Variants in NELL2 observed in about 807,000 individuals in gnomAD.
NELL2 encodes the protein neural EGFL like 2.
Under a neutral mutation model 109.6 loss-of-function variants are expected in NELL2, and 41 were observed. The ratio of observed to expected loss-of-function variants is 0.37; its 90% CI spans 0.29 to 0.49. The LOEUF (loss-of-function observed/expected upper bound fraction) is 0.49. Among genes scored for constraint, NELL2 ranks in the 20% least tolerant of loss-of-function variants. NELL2 has a pLI of 0.98. For synonymous variants in NELL2, 355 were observed against 344.7 expected (o/e 1.03, Z -0.33); for missense variants, 900 against 1,008.3 (o/e 0.89, Z 1.45).
chr12:44,740,327 A>G (rs145765904), intron 9 of NELL2, among the ~76,000 whole-genome samples: 56 of 152,292 alleles, frequency 3.7e-4, no homozygotes, highest in African/African-American at 1.3e-3. Flanking sequence ...TATAATTCCT[A>G]TAATTGTTAT....
chr12:44,665,360 T>C (rs1343272722), intron 13 of NELL2, 124 bp downstream of exon 13: 2 of 755,068 alleles, frequency 2.6e-6, no homozygotes, highest in Admixed American at 3.2e-5. Flanking sequence ...ATCAAGAAGA[T>C]ATGATTTTGC....
intron 13 of NELL2, among the ~76,000 whole-genome samples, chr12:44,631,603 G>C (rs943110186): frequency 3.3e-5 from 5 of 152,150 alleles, no homozygotes; most frequent in Non-Finnish European, 7.4e-5. Flanking sequence ...ATGGGTAACA[G>C]TATCAATCAC....
intron 9 of NELL2, among the ~76,000 whole-genome samples, chr12:44,732,843 C>T (rs556109481): frequency 6.6e-6 from 1 of 151,882 alleles, no homozygotes; most frequent in Admixed American, 6.6e-5. Context: ...ATTTCCACAG[C>T]TCAATGGCAG....
At chr12:44,863,973 AGTT>A (rs1944915829) in intron 2 of NELL2, among the ~76,000 whole-genome samples, 1 of 152,282 alleles carries the variant, frequency 6.6e-6, no homozygotes, top group East Asian at 1.9e-4. Flanking sequence ...ATCAAAGTTA[AGTT>A]GTTATCAGGT....
chr12:44,597,898 T>C (rs921317180), intron 15 of NELL2, among the ~76,000 whole-genome samples: 10 of 152,210 alleles, frequency 6.6e-5, no homozygotes, highest in African/African-American at 2.4e-4. Flanking sequence ...TGTTGAGGGC[T>C]GAAAGCAGGA....
chr12:44,677,163 T>C (rs576740963), intron 12 of NELL2, among the ~76,000 whole-genome samples: 5 of 152,242 alleles, frequency 3.3e-5, no homozygotes, highest in Non-Finnish European at 7.4e-5. Flanking sequence ...CGAAGAATGT[T>C]GGAAATTAAG....
At chr12:44,733,122 G>T (rs1939456247) in intron 9 of NELL2, among the ~76,000 whole-genome samples, 1 of 151,952 alleles carries the variant, frequency 6.6e-6, no homozygotes, top group Non-Finnish European at 1.5e-5. Context: ...ATGTAAATGT[G>T]CAGACTCCAC....
chr12:44,529,515 T>C (rs1490177505), intron 16 of NELL2, among the ~76,000 whole-genome samples: 2 of 151,866 alleles, frequency 1.3e-5, no homozygotes, highest in African/African-American at 2.4e-5. Context: ...GCCATGAAAC[T>C]GGTTGACTTA....
intron 9 of NELL2, among the ~76,000 whole-genome samples, chr12:44,734,606 A>G (rs1939543016): frequency 6.6e-6 from 1 of 151,872 alleles, no homozygotes; most frequent in Non-Finnish European, 1.5e-5. Flanking sequence ...CCCTACACTC[A>G]GTAGTTTAGA....
At chr12:44,863,603 A>G (rs1592673664) in intron 2 of NELL2, among the ~76,000 whole-genome samples, 2 of 152,188 alleles carry the variant, frequency 1.3e-5, no homozygotes, top group Non-Finnish European at 2.9e-5. Context: ...TTTACCAGAC[A>G]AACAAAAGCT....
intron 15 of NELL2, among the ~76,000 whole-genome samples, chr12:44,554,557 C>T (rs1943166934): frequency 6.6e-6 from 1 of 152,126 alleles, no homozygotes; most frequent in Admixed American, 6.6e-5. Flanking sequence ...GGATGTATAA[C>T]ATATATTAAA....
intron 13 of NELL2, among the ~76,000 whole-genome samples, chr12:44,620,073 G>C (rs560332273): frequency 5.3e-5 from 8 of 151,582 alleles, no homozygotes; most frequent in Non-Finnish European, 1.2e-4. Flanking sequence ...AGATATAAGA[G>C]AGCCTCTTAC....
intron 1 of NELL2, among the ~76,000 whole-genome samples, chr12:44,885,047 G>A (rs374177658): frequency 6.6e-6 from 1 of 151,998 alleles, no homozygotes; most frequent in African/African-American, 2.4e-5. Context: ...GGGAGGCTGA[G>A]GCAGGCGGAT....
At chr12:44,521,673 A>G (rs1032436884) in intron 18 of NELL2, among the ~76,000 whole-genome samples, 3 of 152,154 alleles carry the variant, frequency 2.0e-5, no homozygotes, top group African/African-American at 7.2e-5. Flanking sequence ...TGTTCTATCA[A>G]TATTTGTCTT....
chr12:44,856,061 CA>C (rs1944674854), intron 2 of NELL2, among the ~76,000 whole-genome samples: 1 of 152,198 alleles, frequency 6.6e-6, no homozygotes. Flanking sequence ...CACAAGTATT[CA>C]CTTAGCAAGG....
intron 1 of NELL2, chr12:44,913,670 A>C: frequency 2.4e-6 from 1 of 424,814 alleles, no homozygotes. Context: ...ATATATTTTA[A>C]AGAAAAACAA....
At chr12:44,729,647 T>C (rs1051399617) in intron 9 of NELL2, among the ~76,000 whole-genome samples, 1 of 150,064 alleles carries the variant, frequency 6.7e-6, no homozygotes, top group Non-Finnish European at 1.5e-5. Flanking sequence ...GGGCTGAATG[T>C]GAAATGTTTG....
intron 15 of NELL2, among the ~76,000 whole-genome samples, chr12:44,533,911 T>G (rs978023423): frequency 2.6e-5 from 4 of 151,642 alleles, no homozygotes; most frequent in Non-Finnish European, 5.9e-5. Context: ...TAGCCGAAGG[T>G]TCCAACCTGC....
chr12:44,724,309 G>A (rs987365431), intron 9 of NELL2, among the ~76,000 whole-genome samples: 1 of 151,374 alleles, frequency 6.6e-6, no homozygotes, highest in Admixed American at 6.6e-5. Flanking sequence ...TTCTGCCTGG[G>A]TGATGGAATC....
Sources: gnomAD v4.1 joint callset for allele counts (sites outside exome capture counted in the v4.1 genomes callset) on GRCh38, gnomAD v4.1.1 for gene constraint, MANE v1.5 for transcripts, NCBI Gene and HGNC (gene_info 2026-07-23, HGNC 2026-07-21) for gene names.